ZHX3: variants seen among roughly 807,000 people sequenced by gnomAD.
ZHX3 encodes the protein zinc fingers and homeoboxes 3, also known as zinc fingers and homeoboxes protein 3.
ZHX3 carries 20 observed loss-of-function variants against 64.5 expected under a neutral mutation model. That is an observed-to-expected ratio of 0.31 (90% confidence interval 0.22 to 0.45). The LOEUF (loss-of-function observed/expected upper bound fraction) is 0.45, where lower values mean the gene tolerates loss of function less well. Among genes scored for constraint, ZHX3 ranks in the 20% least tolerant of loss-of-function variants. The pLI, the probability that ZHX3 is intolerant of heterozygous loss-of-function variation, is 1.00. For missense variants in ZHX3, 1,041 were observed against 1,195.8 expected, an observed-to-expected ratio of 0.87 and a Z score of 1.91; for synonymous variants, 423 against 461.6, an observed-to-expected ratio of 0.92 and a Z score of 1.07.
At chr20:41,280,495 T>G (rs1287852900) in intron 1 of ZHX3, among the ~76,000 whole-genome samples, 4 of 152,164 alleles carry the variant, frequency 2.6e-5, no homozygotes, top group Non-Finnish European at 5.9e-5. Flanking sequence ...ATTTCAAAGA[T>G]CTATGGAGAT....
chr20:41,227,129 A>T (rs1600841911), intron 2 of ZHX3, among the ~76,000 whole-genome samples: 1 of 152,110 alleles, frequency 6.6e-6, no homozygotes, highest in Non-Finnish European at 1.5e-5. Context: ...GACCAACTGG[A>T]TTTGCTCAAT....
At chr20:41,294,091 G>C (rs927901328) in intron 1 of ZHX3, among the ~76,000 whole-genome samples, 2 of 152,136 alleles carry the variant, frequency 1.3e-5, no homozygotes, top group Non-Finnish European at 2.9e-5. Flanking sequence ...CCCAGGGCTG[G>C]AAAGAATGAG....
At chr20:41,199,981 G>A (rs918271432) in intron 3 of ZHX3, among the ~76,000 whole-genome samples, 1 of 152,138 alleles carries the variant, frequency 6.6e-6, no homozygotes, top group African/African-American at 2.4e-5. Context: ...TTACAGGTGT[G>A]AGCCACCACA....
chr20:41,311,590 T>C (rs761753788), intron 1 of ZHX3, among the ~76,000 whole-genome samples: 1 of 152,250 alleles, frequency 6.6e-6, no homozygotes, highest in Non-Finnish European at 1.5e-5. Flanking sequence ...ATATTTCATA[T>C]TCATTCATTC....
intron 2 of ZHX3, among the ~76,000 whole-genome samples, chr20:41,258,391 G>A (rs987833185): frequency 4.6e-5 from 7 of 152,144 alleles, no homozygotes; most frequent in East Asian, 1.9e-4. Flanking sequence ...TATTCAAGTC[G>A]TACCGGTTTT....
At chr20:41,305,095 G>A (rs989810471) in intron 1 of ZHX3, among the ~76,000 whole-genome samples, 1 of 152,222 alleles carries the variant, frequency 6.6e-6, no homozygotes, top group African/African-American at 2.4e-5. Context: ...GCATGGCAAA[G>A]AAAAGGTCAC....
At chr20:41,245,752 AC>A (rs2146476428) in intron 2 of ZHX3, among the ~76,000 whole-genome samples, 1 of 152,306 alleles carries the variant, frequency 6.6e-6, no homozygotes, top group East Asian at 1.9e-4. Context: ...TTTCTTAAAA[AC>A]CTAGCAATTT....
intron 1 of ZHX3, chr20:41,290,142 A>T (rs2044155388): frequency 2.0e-5 from 3 of 152,220 alleles, no homozygotes; most frequent in Non-Finnish European, 4.4e-5. Context: ...ACTAGCTCTA[A>T]AGAGAAGTAA....
At chr20:41,251,533 A>C (rs748951895) in intron 2 of ZHX3, among the ~76,000 whole-genome samples, 1 of 152,218 alleles carries the variant, frequency 6.6e-6, no homozygotes, top group African/African-American at 2.4e-5. Context: ...GAAACAGTAA[A>C]TAATAAATGG....
At chr20:41,299,660 G>A (rs1023293992) in intron 1 of ZHX3, among the ~76,000 whole-genome samples, 1 of 152,022 alleles carries the variant, frequency 6.6e-6, no homozygotes, top group Admixed American at 6.6e-5. Context: ...TCATGAGTTC[G>A]AGACCAGCTT....
At chr20:41,191,073 TTG>T (rs1278129780) in intron 3 of ZHX3, among the ~76,000 whole-genome samples, 2 of 152,250 alleles carry the variant, frequency 1.3e-5, no homozygotes, top group East Asian at 3.8e-4. Flanking sequence ...TCTAAATCTC[TTG>T]TGAGATTTGG....
At position 41,216,976 on chromosome 20, in the gene ZHX3, T is replaced by G. The variant is rs182325244; in HGVS notation, c.-150-11910A>C. The stretch of plus-strand genomic sequence containing the variant: ...ATCTTTTCACATGTCATTGACGATT[T>G]TGTATAAAATTATCTTTTGTCCATT... On this transcript the variant is annotated intron_variant, in intron 2 of 3. Coordinates refer to ENST00000683867, the MANE Select transcript of ZHX3 (RefSeq NM_001384317.1). Among the ~76,000 whole-genome samples the G allele has an allele frequency of 1.7e-3, 263 of 152,318 alleles. 1 individual carries two copies. Among genetic ancestry groups the G allele is most frequent in the South Asian group, 0.013 (64 of 4,830 alleles).
intron 2 of ZHX3, among the ~76,000 whole-genome samples, chr20:41,245,948 C>T (rs1424785926): frequency 6.6e-6 from 1 of 152,208 alleles, no homozygotes; most frequent in Admixed American, 6.5e-5. Flanking sequence ...TCCATAATTA[C>T]AGCCTTCAAT....
chr20:41,182,640 C>G lies in ZHX3; in HGVS notation c.*2551G>C, dbSNP rs1038505033. 6.6e-6 allele frequency: 1 copy of G among 152,274 alleles called. No individual in the cohort carries two copies. The highest frequency in any genetic ancestry group is 2.4e-5 in the African/African-American group (1 of 41,458). 9.4% of individuals were successfully genotyped at this position (152,274 alleles called of 1,614,324 possible). On this transcript the variant is annotated 3_prime_UTR_variant, in exon 4 of 4. Coordinates refer to ENST00000683867, the MANE Select transcript of ZHX3 (RefSeq NM_001384317.1). This position sits in a 1 kb window ranked among gnomAD's most constrained non-coding sequence, Gnocchi z 6.1. ...TTTCAAGGATAAGGTCCAGAGCATA[C>G]TCACTCACTCTCATCCAACAGCAGA... is the stretch of plus-strand genomic sequence containing the variant.
Position 41,193,728 on chromosome 20 carries a change from G to C in ZHX3, c.2860+8329C>G, listed in dbSNP as rs142158350. 6.9e-3 allele frequency among the ~76,000 whole-genome samples: 1,008 copies of C among 145,558 alleles called. 7 individuals are homozygous for C. Among genetic ancestry groups the C allele is most frequent in the African/African-American group, 0.024 (951 of 39,008 alleles). ...TGTTGTTTTTGTTTTTTTTTTTTGAGAAGGAGTCTCGCTCTGTCACCAGGC... is the reference window on the plus strand; with the variant it reads ...TGTTGTTTTTGTTTTTTTTTTTTGACAAGGAGTCTCGCTCTGTCACCAGGC... On this transcript the variant is annotated intron_variant, in intron 3 of 3. Coordinates refer to ENST00000683867, the MANE Select transcript of ZHX3 (RefSeq NM_001384317.1).
intron 1 of ZHX3, among the ~76,000 whole-genome samples, chr20:41,307,304 A>G (rs756235007): frequency 3.0e-4 from 46 of 152,204 alleles, no homozygotes; most frequent in Admixed American, 5.9e-4. Context: ...ATACCCAGAA[A>G]TGAGATGGTG....
chr20:41,236,921 A>G (rs2041039310), intron 2 of ZHX3, among the ~76,000 whole-genome samples: 1 of 152,206 alleles, frequency 6.6e-6, no homozygotes. Flanking sequence ...AATTTACAAG[A>G]AAAAAACAAC....
intron 2 of ZHX3, among the ~76,000 whole-genome samples, chr20:41,243,123 G>A (rs1176866134): frequency 1.3e-5 from 2 of 152,198 alleles, no homozygotes; most frequent in East Asian, 3.8e-4. Flanking sequence ...TGCTCCAAGA[G>A]AGGGAGAAAT....
chr20:41,313,410 G>C (rs1354951812), intron 1 of ZHX3, among the ~76,000 whole-genome samples: 1 of 151,888 alleles, frequency 6.6e-6, no homozygotes, highest in Non-Finnish European at 1.5e-5. Flanking sequence ...TTTAGAGAGA[G>C]AATATGATGA....
Sources: allele counts gnomAD v4.1 joint callset (sites outside exome capture counted in the v4.1 genomes callset), GRCh38; gene constraint gnomAD v4.1.1; non-coding constraint Gnocchi (gnomAD v3.1); transcripts MANE v1.5; gene names NCBI Gene and HGNC (gene_info 2026-07-23, HGNC 2026-07-21).